WWOX: variants seen among roughly 807,000 people sequenced by gnomAD.
The protein encoded by WWOX is WW domain containing oxidoreductase, also known as WW domain-containing oxidoreductase.
A neutral mutation model predicts 46.2 loss-of-function variants in WWOX; 69 were observed. The ratio of observed to expected loss-of-function variants is 1.49; its 90% CI spans 1.23 to 1.82. The LOEUF is 1.82. Ranked by LOEUF, WWOX falls within the 40% of genes most tolerant of loss-of-function variation. The pLI, the probability that WWOX is intolerant of heterozygous loss-of-function variation, is 0.00. For synonymous variants in WWOX, 359 were observed against 202.6 expected, an observed-to-expected ratio of 1.77 and a Z score of -6.56; for missense variants, 919 against 542.6, an observed-to-expected ratio of 1.69 and a Z score of -6.89.
At chr16:78,758,216 A>C (rs550333294) in intron 8 of WWOX, among the ~76,000 whole-genome samples, 1 of 152,226 alleles carries the variant, frequency 6.6e-6, no homozygotes, top group Non-Finnish European at 1.5e-5. Flanking sequence ...ATAAACCTAT[A>C]TACAAAGAAA....
At chr16:78,398,151 ACT>A (rs569565187) in intron 6 of WWOX, among the ~76,000 whole-genome samples, 16 of 152,096 alleles carry the variant, frequency 1.1e-4, no homozygotes, top group Non-Finnish European at 2.1e-4. Flanking sequence ...TGGCGTGATC[ACT>A]CTCAAGTGCA....
chr16:78,999,782 G>C (rs1000212950), intron 8 of WWOX, among the ~76,000 whole-genome samples: 3 of 152,122 alleles, frequency 2.0e-5, no homozygotes, highest in African/African-American at 7.2e-5. Flanking sequence ...TCAGATGATG[G>C]ATACACTAAA....
rs568095735 is a variant in WWOX at position 79,147,486 on chromosome 16, G to A, written c.1057-64122G>A. ...CATGGTATTGTACATATAAGTGATC[G>A]TATGTTTAATCACTCTCCCGCTGAA... On this transcript the variant is annotated intron_variant, in intron 8 of 8. Coordinates refer to ENST00000566780, the MANE Select transcript of WWOX (RefSeq NM_016373.4). 1.4e-4 allele frequency among the ~76,000 whole-genome samples: 21 copies of A among 152,270 alleles called. No homozygotes were observed. The South Asian group carries it at 3.9e-3, about 29-fold the overall frequency.
At position 78,121,851 on chromosome 16, in the gene WWOX, A is replaced by T. The variant is rs138475506; in HGVS notation, c.409+6697A>T. Among the ~76,000 whole-genome samples, 77 of 152,056 alleles carry T rather than the reference A, an allele frequency of 5.1e-4. No individual in the cohort carries two copies. The East Asian group carries it at 0.014, about 28-fold the overall frequency. On this transcript the variant is annotated intron_variant, in intron 4 of 8. Coordinates refer to ENST00000566780, the MANE Select transcript of WWOX (RefSeq NM_016373.4). ...TAATTTTATGTTTTTAGTAGAGACA[A>T]GGTTTTGCCATGTTGTCCATACAGG...
At chr16:78,530,143 C>G (rs1400579825) in intron 8 of WWOX, among the ~76,000 whole-genome samples, 1 of 152,202 alleles carries the variant, frequency 6.6e-6, no homozygotes, top group African/African-American at 2.4e-5. Flanking sequence ...GGAATGAACT[C>G]TGTACTGGCC....
At chr16:78,461,351 A>G (rs926877285) in intron 8 of WWOX, among the ~76,000 whole-genome samples, 30 of 152,128 alleles carry the variant, frequency 2.0e-4, no homozygotes, top group African/African-American at 7.2e-4. Context: ...GTAAGGCCAG[A>G]AAGGAAAGGG....
chr16:79,148,609 C>T (rs2050222125), intron 8 of WWOX, among the ~76,000 whole-genome samples: 1 of 152,110 alleles, frequency 6.6e-6, no homozygotes. Flanking sequence ...AGCCTTGCTG[C>T]AGTTTTAATG....
chr16:78,996,524 C>G (rs940466570), intron 8 of WWOX, among the ~76,000 whole-genome samples: 4 of 152,072 alleles, frequency 2.6e-5, no homozygotes, highest in East Asian at 3.9e-4. Flanking sequence ...CCCTCTCTCT[C>G]CACACCTTTC....
chr16:78,844,418 G>C (rs1045543647), intron 8 of WWOX, among the ~76,000 whole-genome samples: 1 of 152,098 alleles, frequency 6.6e-6, no homozygotes, highest in African/African-American at 2.4e-5. Flanking sequence ...AGTGGGTTAC[G>C]ATGAATAATT....
intron 8 of WWOX, among the ~76,000 whole-genome samples, chr16:78,744,067 A>G (rs2049291523): frequency 6.6e-6 from 1 of 152,184 alleles, no homozygotes; most frequent in African/African-American, 2.4e-5. Context: ...CTCCAGTAAC[A>G]TAATGAATGT....
In WWOX at chr16:78,164,192, C is replaced by G; in HGVS notation, c.419C>G (p.Thr140Ser). Residue 140 changes from threonine to serine, a missense_variant, in exon 5 of 9, where the codon ACC becomes AGC. Physicochemically the swap from Thr to Ser is moderately conservative, Grantham distance 58. Coordinates refer to ENST00000566780, the MANE Select transcript of WWOX (RefSeq NM_016373.4). ...TTCCTTTAAACCATAGGGTTCGAAA[C>G]CGCCAAGTCTTTTGCCCTCCATGGT... ...TGANSGIGFE[T>S]AKSFALHGAH... is the part of the protein sequence containing the mutation. The G allele has an allele frequency of 6.2e-7, 1 of 1,614,016 alleles. No homozygotes were observed. Among genetic ancestry groups the G allele is most frequent in the Non-Finnish European group, 8.5e-7 (1 of 1,180,004 alleles).
intron 8 of WWOX, among the ~76,000 whole-genome samples, chr16:78,631,164 G>T (rs2046419790): frequency 2.0e-5 from 3 of 152,182 alleles, no homozygotes; most frequent in South Asian, 2.1e-4. Context: ...TTGGTATTTG[G>T]GGGGGTTCCT....
At chr16:78,571,877 T>C (rs747905254) in intron 8 of WWOX, among the ~76,000 whole-genome samples, 11 of 152,126 alleles carry the variant, frequency 7.2e-5, no homozygotes, top group Non-Finnish European at 1.0e-4. Context: ...AAAAAAGGCA[T>C]TGCTGTTAAT....
At chr16:79,136,591 AC>A (rs2049986135) in intron 8 of WWOX, among the ~76,000 whole-genome samples, 1 of 152,136 alleles carries the variant, frequency 6.6e-6, no homozygotes, top group Admixed American at 6.5e-5. Context: ...GTGAACAGGA[AC>A]TTAAAGCCAG....
At chr16:78,439,595 C>G (rs890715239) in intron 8 of WWOX, among the ~76,000 whole-genome samples, 1 of 152,188 alleles carries the variant, frequency 6.6e-6, no homozygotes, top group Non-Finnish European at 1.5e-5. Flanking sequence ...GGGTTGTATT[C>G]AAACTGCAGC....
intron 5 of WWOX, among the ~76,000 whole-genome samples, chr16:78,228,396 C>G (rs1391040999): frequency 1.4e-5 from 2 of 139,422 alleles, no homozygotes; most frequent in Non-Finnish European, 3.0e-5. Context: ...GGCTGGAATG[C>G]AGTGGTGTGA....
At position 78,648,194 on chromosome 16, in the gene WWOX, C is replaced by T. The variant is rs143624544; in HGVS notation, c.1056+215442C>T. On this transcript the variant is annotated intron_variant, in intron 8 of 8. Coordinates refer to ENST00000566780, the MANE Select transcript of WWOX (RefSeq NM_016373.4). ...ATGAAAAACGGCTATTTCTTTAGGA[C>T]GTCAAACCACCTTTTTCCTCTCTAA... 8.3e-3 allele frequency among the ~76,000 whole-genome samples: 1,261 copies of T among 152,218 alleles called. 8 individuals are homozygous for T. Among genetic ancestry groups the T allele is most frequent in the Non-Finnish European group, 0.013 (911 of 68,004 alleles).
intron 8 of WWOX, among the ~76,000 whole-genome samples, chr16:78,446,747 G>C (rs1178303111): frequency 7.5e-6 from 1 of 133,116 alleles, no homozygotes; most frequent in Non-Finnish European, 1.5e-5. Flanking sequence ...TGCAGCCTCC[G>C]CCTCCCAAGT....
Position 78,947,984 on chromosome 16 carries a change from A to G in WWOX, c.1057-263624A>G, listed in dbSNP as rs531119708. 5.9e-5 allele frequency among the ~76,000 whole-genome samples: 9 copies of G among 152,336 alleles called. No individual in the cohort carries two copies. In the East Asian group the frequency reaches 1.5e-3, roughly 26 times the overall value. ...TAGATGTGAGGTCCAAGGACATTCT[A>G]GAGGAAGTCAAAGGCAGAGGGAGGA... On this transcript the variant is annotated intron_variant, in intron 8 of 8. Coordinates refer to ENST00000566780, the MANE Select transcript of WWOX (RefSeq NM_016373.4).
Sources: gnomAD v4.1 joint callset for allele counts (sites outside exome capture counted in the v4.1 genomes callset) on GRCh38, gnomAD v4.1.1 for gene constraint, MANE v1.5 for transcripts, NCBI Gene and HGNC (gene_info 2026-07-23, HGNC 2026-07-21) for gene names.